The following ITGA9 variants were observed in gnomAD, a reference collection of about 807,000 sequenced individuals.
The protein encoded by ITGA9 is integrin subunit alpha 9, also known as integrin alpha-9.
In ITGA9, 56 loss-of-function variants were observed where a neutral mutation model predicts 127.8. That is an observed-to-expected ratio of 0.44 (90% CI 0.35 to 0.55). The LOEUF (loss-of-function observed/expected upper bound fraction) is 0.55. Among genes scored for constraint, ITGA9 ranks in the 20% least tolerant of loss-of-function variants. ITGA9 has a pLI of 0.00. For synonymous variants in ITGA9, 508 were observed against 514.5 expected, an observed-to-expected ratio of 0.99 and a Z score of 0.17; for missense variants, 1,196 against 1,347.1, an observed-to-expected ratio of 0.89 and a Z score of 1.76.
chr3:37,595,435 T>C (rs1215371270), intron 15 of ITGA9, among the ~76,000 whole-genome samples: 2 of 152,158 alleles, frequency 1.3e-5, no homozygotes, highest in East Asian at 1.9e-4. Context: ...ACAACCAAAA[T>C]TGAAAGCAAA....
chr3:37,748,183 G>GT, intron 22 of ITGA9: 4 of 460,046 alleles, frequency 8.7e-6, no homozygotes, highest in South Asian at 3.5e-5. Context: ...ACATGGAGTT[G>GT]TTTTTTTGGC....
chr3:37,465,256 G>C (rs976577480), intron 1 of ITGA9, among the ~76,000 whole-genome samples: 3 of 152,176 alleles, frequency 2.0e-5, no homozygotes, highest in Non-Finnish European at 2.9e-5. Context: ...GAATTTACCT[G>C]CAGATTACCC....
At chr3:37,492,185 A>T (rs1698680313) in intron 4 of ITGA9, among the ~76,000 whole-genome samples, 1 of 152,184 alleles carries the variant, frequency 6.6e-6, no homozygotes, top group African/African-American at 2.4e-5. Flanking sequence ...CTGCTCTCTG[A>T]TCTAGATTTG....
chr3:37,670,082 A>G (rs576138062), intron 17 of ITGA9, among the ~76,000 whole-genome samples: 12 of 151,950 alleles, frequency 7.9e-5, no homozygotes, highest in African/African-American at 2.7e-4. Flanking sequence ...TGTTTTTTCC[A>G]AGAAAAAAAA....
intron 23 of ITGA9, among the ~76,000 whole-genome samples, chr3:37,751,999 C>T (rs1256217045): frequency 1.3e-5 from 2 of 152,134 alleles, no homozygotes; most frequent in Non-Finnish European, 2.9e-5. Context: ...TTCTTATAAA[C>T]GATCACCACT....
intron 15 of ITGA9, among the ~76,000 whole-genome samples, chr3:37,608,318 C>T (rs1043205457): frequency 1.2e-4 from 19 of 152,152 alleles, no homozygotes; most frequent in African/African-American, 4.6e-4. Flanking sequence ...CATAAACACA[C>T]ATGAATACTA....
At chr3:37,777,025 A>G (rs911936938) in intron 23 of ITGA9, among the ~76,000 whole-genome samples, 1 of 152,174 alleles carries the variant, frequency 6.6e-6, no homozygotes, top group Non-Finnish European at 1.5e-5. Context: ...ACCTAAGTTC[A>G]GTCTCATTTT....
intron 17 of ITGA9, among the ~76,000 whole-genome samples, chr3:37,679,910 C>T (rs918249132): frequency 2.0e-5 from 3 of 151,522 alleles, no homozygotes; most frequent in African/African-American, 7.3e-5. Context: ...AAAAGCCCCA[C>T]AAACAAATGC....
At chr3:37,523,892 G>A (rs1317335080) in intron 12 of ITGA9, among the ~76,000 whole-genome samples, 1 of 152,116 alleles carries the variant, frequency 6.6e-6, no homozygotes, top group Non-Finnish European at 1.5e-5. Flanking sequence ...AAAAGCACTG[G>A]CCACATCTAA....
chr3:37,668,387 A>T (rs890275994), intron 17 of ITGA9, among the ~76,000 whole-genome samples: 2 of 151,976 alleles, frequency 1.3e-5, no homozygotes, highest in Admixed American at 1.3e-4. Context: ...CATCCATTGG[A>T]GGTTTTATGT....
chr3:37,739,089 CTATT>C (rs1031831830), intron 20 of ITGA9, among the ~76,000 whole-genome samples: 7 of 152,210 alleles, frequency 4.6e-5, no homozygotes, highest in African/African-American at 1.4e-4. Context: ...CTAAGAACCA[CTATT>C]TATAATCCCT....
Position 37,593,254 on chromosome 3 carries a change from A to G in ITGA9, c.1690-35933A>G, listed in dbSNP as rs12630487. ...CTCTAGATTACTTGTAATACCTACA[A>G]CAATGTCAATGCTATGTAAATAGTT... On this transcript the variant is annotated intron_variant, in intron 15 of 27. Coordinates refer to ENST00000264741, the MANE Select transcript of ITGA9 (RefSeq NM_002207.3). Among the ~76,000 whole-genome samples, 61 of 152,348 alleles carry G rather than the reference A, an allele frequency of 4.0e-4. No individual in the cohort carries two copies. In the East Asian group the frequency reaches 9.6e-3, roughly 24 times the overall value.
intron 18 of ITGA9, among the ~76,000 whole-genome samples, chr3:37,716,708 T>G (rs893395486): frequency 6.6e-6 from 1 of 151,512 alleles, no homozygotes; most frequent in African/African-American, 2.4e-5. Flanking sequence ...GAGATTGAAT[T>G]TAGATCTTAT....
chr3:37,467,452 CAGTG>C, intron 1 of ITGA9, among the ~76,000 whole-genome samples: 1 of 152,110 alleles, frequency 6.6e-6, no homozygotes, highest in African/African-American at 2.4e-5. Flanking sequence ...CTGGAGGAAG[CAGTG>C]CCTGGGAATA....
chr3:37,631,211 G>A (rs924559197), intron 16 of ITGA9, among the ~76,000 whole-genome samples: 3 of 152,146 alleles, frequency 2.0e-5, no homozygotes, highest in African/African-American at 7.2e-5. Flanking sequence ...GTGCTTATTT[G>A]TTTCTGAATT....
chr3:37,490,065 G>T (rs572771158), intron 4 of ITGA9, among the ~76,000 whole-genome samples: 5 of 152,058 alleles, frequency 3.3e-5, no homozygotes, highest in African/African-American at 1.2e-4. Flanking sequence ...CCTGAGTGGC[G>T]GGGTGAGTAG....
intron 15 of ITGA9, among the ~76,000 whole-genome samples, chr3:37,551,014 G>A (rs543254782): frequency 1.4e-4 from 21 of 152,300 alleles, no homozygotes; most frequent in African/African-American, 4.8e-4. Flanking sequence ...ATACACAGAT[G>A]TTTGATTATC....
intron 4 of ITGA9, among the ~76,000 whole-genome samples, chr3:37,483,287 C>T (rs1297619811): frequency 2.6e-5 from 4 of 152,114 alleles, no homozygotes; most frequent in Admixed American, 6.5e-5. Context: ...TCCATGTGTA[C>T]GCAGGTCCAC....
Position 37,743,918 on chromosome 3 carries a change from T to G in ITGA9, c.2325-8T>G, listed in dbSNP as rs953697917. The G allele has an allele frequency of 6.3e-7, 1 of 1,599,996 alleles. No individual in the cohort carries two copies. Among genetic ancestry groups the G allele is most frequent in the African/African-American group, 1.3e-5 (1 of 74,664 alleles). ...GGGGATGACAGATTTCATGCTTTCC[T>G]CTTTCAGAATCATGTCTCCAACCTC... On this transcript the variant is annotated splice_region_variant and splice_polypyrimidine_tract_variant and intron_variant, in intron 21 of 27. Coordinates refer to ENST00000264741, the MANE Select transcript of ITGA9 (RefSeq NM_002207.3).
Sources: allele counts gnomAD v4.1 joint callset (sites outside exome capture counted in the v4.1 genomes callset), GRCh38; gene constraint gnomAD v4.1.1; transcripts MANE v1.5; gene names NCBI Gene and HGNC (gene_info 2026-07-23, HGNC 2026-07-21).